The following DIAPH2 variants were observed in gnomAD, a reference collection of about 807,000 sequenced individuals.
DIAPH2 encodes the protein diaphanous related formin 2.
DIAPH2 carries 35 observed loss-of-function variants against 92.7 expected under a neutral mutation model. The ratio of observed to expected loss-of-function variants is 0.38; its 90% confidence interval spans 0.29 to 0.50. The LOEUF (loss-of-function observed/expected upper bound fraction) is 0.50, where lower values mean the gene tolerates loss of function less well. DIAPH2 is among the 20% of genes least tolerant of loss of function. The probability of loss-of-function intolerance (pLI) is 0.94; values close to 1 mark genes in which losing one functional copy is unlikely to be tolerated. For missense variants in DIAPH2, 701 were observed against 819.5 expected, an observed-to-expected ratio of 0.86 and a Z score of 1.77; for synonymous variants, 301 against 280.4, an observed-to-expected ratio of 1.07 and a Z score of -0.73.
chrX:97,063,136 C>T (rs1453241351), intron 17 of DIAPH2, among the ~76,000 whole-genome samples: 1 of 110,180 alleles, frequency 9.1e-6, no homozygotes, highest in African/African-American at 3.3e-5. Flanking sequence ...ACAGTATACA[C>T]TGATGTGGTT....
chrX:97,598,518 A>C (rs767456223), intron 26 of DIAPH2, among the ~76,000 whole-genome samples: 1 of 111,953 alleles, frequency 8.9e-6, no homozygotes, highest in East Asian at 2.8e-4. Flanking sequence ...CATAAAACAG[A>C]GGTGATAATA....
At chrX:96,726,035 G>A (rs2064018255) in intron 1 of DIAPH2, among the ~76,000 whole-genome samples, 1 of 111,946 alleles carries the variant, frequency 8.9e-6, no homozygotes. Context: ...TATAAAGATA[G>A]TAATCATAAC....
intron 22 of DIAPH2, among the ~76,000 whole-genome samples, chrX:97,163,906 A>G (rs1243118631): frequency 8.9e-6 from 1 of 112,318 alleles, no homozygotes; most frequent in African/African-American, 3.2e-5. Context: ...GAACAATTTG[A>G]CTAGTAGTAG....
intron 4 of DIAPH2, among the ~76,000 whole-genome samples, chrX:96,784,862 T>C (rs1417830477): frequency 8.9e-6 from 1 of 111,732 alleles, no homozygotes; most frequent in Non-Finnish European, 1.9e-5. Flanking sequence ...TTGACTACAG[T>C]TGGAGAATAG....
At chrX:97,409,078 T>A (rs1303332521) in intron 25 of DIAPH2, among the ~76,000 whole-genome samples, 1 of 111,751 alleles carries the variant, frequency 8.9e-6, no homozygotes, top group Non-Finnish European at 1.9e-5. Flanking sequence ...AAGGGTTGAG[T>A]GATAATGTTG....
At chrX:97,375,127 T>G (rs2069486479) in intron 24 of DIAPH2, among the ~76,000 whole-genome samples, 2 of 111,842 alleles carry the variant, frequency 1.8e-5, no homozygotes, top group South Asian at 3.7e-4. Context: ...CTATCACCTC[T>G]TTTCTCCTTG....
intron 26 of DIAPH2, among the ~76,000 whole-genome samples, chrX:97,562,477 G>A (rs780207940): frequency 2.7e-5 from 3 of 109,664 alleles, no homozygotes; most frequent in Non-Finnish European, 5.7e-5. Flanking sequence ...CTGCATTCCA[G>A]CTGAGTCAAG....
chrX:96,755,221 T>G (rs990534519), intron 3 of DIAPH2, among the ~76,000 whole-genome samples: 3 of 112,099 alleles, frequency 2.7e-5, no homozygotes, highest in African/African-American at 9.7e-5. Flanking sequence ...AGGTATTGAC[T>G]ATGAATGAAT....
At chrX:97,199,765 A>G (rs999014047) in intron 22 of DIAPH2, among the ~76,000 whole-genome samples, 4 of 111,736 alleles carry the variant, frequency 3.6e-5, no homozygotes, top group African/African-American at 9.8e-5. Flanking sequence ...TGGACTGTAC[A>G]TTCATGCTCT....
At chrX:97,440,781 G>A (rs762997270) in intron 26 of DIAPH2, among the ~76,000 whole-genome samples, 43 of 109,708 alleles carry the variant, frequency 3.9e-4, no homozygotes, top group Non-Finnish European at 7.2e-4. Context: ...AGACATGGGA[G>A]ACTCAAATGA....
intron 4 of DIAPH2, among the ~76,000 whole-genome samples, chrX:96,830,959 G>T (rs1295186523): frequency 5.4e-5 from 6 of 111,393 alleles, no homozygotes. Context: ...ATACAAATAT[G>T]TGAAGGTACA....
intron 22 of DIAPH2, among the ~76,000 whole-genome samples, chrX:97,183,279 C>T (rs2067555274): frequency 1.8e-5 from 2 of 111,610 alleles, no homozygotes; most frequent in African/African-American, 6.5e-5. Flanking sequence ...AATGGAGCTG[C>T]TCTTGCTGCC....
chrX:97,497,565 G>A (rs970835039), intron 26 of DIAPH2, among the ~76,000 whole-genome samples: 1 of 110,389 alleles, frequency 9.1e-6, no homozygotes, highest in African/African-American at 3.3e-5. Flanking sequence ...CAGCACTTTA[G>A]GAGGCCGAGT....
At chrX:97,091,344 T>G (rs1167889331) in intron 19 of DIAPH2, among the ~76,000 whole-genome samples, 3 of 111,303 alleles carry the variant, frequency 2.7e-5, no homozygotes, top group Non-Finnish European at 5.7e-5. Flanking sequence ...AGTGCAGTGG[T>G]CCAATCCTAC....
At chrX:97,049,704 A>G (rs770976654) in intron 17 of DIAPH2, among the ~76,000 whole-genome samples, 2 of 111,006 alleles carry the variant, frequency 1.8e-5, no homozygotes, top group Non-Finnish European at 3.8e-5. Context: ...CTTTATTTTG[A>G]TATCACTCAT....
intron 24 of DIAPH2, among the ~76,000 whole-genome samples, chrX:97,362,249 TAA>T (rs369080664): frequency 1.1e-5 from 1 of 90,026 alleles, no homozygotes; most frequent in East Asian, 3.4e-4. Flanking sequence ...TCAAGAAAAT[TAA>T]AAAAAAAAAA....
intron 15 of DIAPH2, among the ~76,000 whole-genome samples, chrX:96,950,543 C>G (rs1225085766): frequency 8.9e-6 from 1 of 111,736 alleles, no homozygotes. Context: ...TTCAACTCCA[C>G]TCATACTACA....
At chrX:97,438,338 GTTTT>G (rs745882169) in intron 26 of DIAPH2, among the ~76,000 whole-genome samples, 120 of 53,725 alleles carry the variant, frequency 2.2e-3, no homozygotes, top group Middle Eastern at 0.014. Flanking sequence ...GCAGCTTCTT[GTTTT>G]TTTTTTTTGT....
At chrX:96,818,339 T>C (rs1157684652) in intron 4 of DIAPH2, among the ~76,000 whole-genome samples, 1 of 110,585 alleles carries the variant, frequency 9.0e-6, no homozygotes, top group African/African-American at 3.3e-5. Flanking sequence ...AAAGTAATTG[T>C]GGTTTTTGCC....
Sources: allele counts gnomAD v4.1 joint callset (sites outside exome capture counted in the v4.1 genomes callset), GRCh38; gene constraint gnomAD v4.1.1; transcripts MANE v1.5; gene names NCBI Gene and HGNC (gene_info 2026-07-23, HGNC 2026-07-21).